The following ITSN2 variants were observed in gnomAD, a reference collection of about 807,000 sequenced individuals.
The protein encoded by ITSN2 is intersectin-2.
A neutral mutation model predicts 243.7 loss-of-function variants in ITSN2; 156 were observed. The observed-to-expected ratio is 0.64, with a 90% confidence interval of 0.56 to 0.73. The LOEUF (loss-of-function observed/expected upper bound fraction) is 0.73. Ranked by LOEUF, ITSN2 falls within the 30% of genes least tolerant of loss-of-function variation. The probability of loss-of-function intolerance (pLI) is 0.00; values close to 1 mark genes in which losing one functional copy is unlikely to be tolerated. For missense variants in ITSN2, 1,801 were observed against 1,996.1 expected, an observed-to-expected ratio of 0.90 and a Z score of 1.86; for synonymous variants, 703 against 699.9, an observed-to-expected ratio of 1.00 and a Z score of -0.07.
chr2:24,317,984 C>T (rs1056925561), intron 2 of ITSN2, among the ~76,000 whole-genome samples: 3 of 152,150 alleles, frequency 2.0e-5, no homozygotes, highest in South Asian at 4.1e-4. Context: ...TTTAGGTTCA[C>T]GGCAAGATTG....
chr2:24,275,800 T>C lies in ITSN2; in HGVS notation c.1994A>G (p.Tyr665Cys), dbSNP rs777868051. Residue 665 changes from tyrosine (Y) to cysteine (C), a missense_variant, in exon 18 of 40, where the codon TAT becomes TGT. Transcript: ENST00000355123. ...CTTCAACTTGTCACGTTTGATCTTATAAAGCTGTTCAAGGGCTAACTGCTG... is the reference window on the plus strand; with the variant it reads ...CTTCAACTTGTCACGTTTGATCTTACAAAGCTGTTCAAGGGCTAACTGCTG... ...NTQQLALEQL[Y>C]KIKRDKLKEI... 7 of 1,612,846 alleles carry C rather than the reference T, an allele frequency of 4.3e-6. No individual in the cohort carries two copies. The highest frequency in any genetic ancestry group is 3.3e-5 in the Admixed American group (2 of 59,988).
chr2:24,351,696 G>C (rs1370006221), intron 1 of ITSN2, among the ~76,000 whole-genome samples: 1 of 152,132 alleles, frequency 6.6e-6, no homozygotes, highest in Non-Finnish European at 1.5e-5. Flanking sequence ...TCCCAACCAG[G>C]ATGAAAACCA....
intron 16 of ITSN2, 112 bp from the exon 17 acceptor site, chr2:24,284,955 G>A (rs1468916434): frequency 3.5e-6 from 2 of 565,728 alleles, no homozygotes; most frequent in Admixed American, 3.0e-5. Flanking sequence ...GGACTGCAGT[G>A]GCGCAATCTC....
chr2:24,256,565 C>T (rs1675082355), intron 23 of ITSN2, among the ~76,000 whole-genome samples: 1 of 152,116 alleles, frequency 6.6e-6, no homozygotes, highest in African/African-American at 2.4e-5. Flanking sequence ...TTATTATATT[C>T]GACAACTTGA....
chr2:24,332,884 T>G (rs1685941150), intron 1 of ITSN2, among the ~76,000 whole-genome samples: 1 of 152,226 alleles, frequency 6.6e-6, no homozygotes, highest in African/African-American at 2.4e-5. Flanking sequence ...TTGATCACAG[T>G]AGATGTACTG....
intron 1 of ITSN2, among the ~76,000 whole-genome samples, chr2:24,350,838 C>T (rs1424652417): frequency 6.6e-6 from 1 of 152,124 alleles, no homozygotes; most frequent in Non-Finnish European, 1.5e-5. Context: ...CTACCTAGAG[C>T]TAGCGGTGTT....
intron 7 of ITSN2, among the ~76,000 whole-genome samples, chr2:24,309,204 C>T (rs1682936691): frequency 6.6e-6 from 1 of 152,144 alleles, no homozygotes; most frequent in Admixed American, 6.5e-5. Flanking sequence ...TTCTCTTTTT[C>T]TGGGGAGGAG....
rs555205716 is a variant in ITSN2 at position 24,258,108 on chromosome 2, C to T, written c.2683-15G>A. On this transcript the variant is annotated splice_polypyrimidine_tract_variant and intron_variant, in intron 22 of 39. Coordinates refer to ENST00000355123, the MANE Select transcript of ITSN2 (RefSeq NM_006277.3). ...ACCACTTGTCCCTATGAATACAAAA[C>T]CACCAAAAATTTTTAAAAGGCAATG... 3 of 1,601,596 alleles carry T rather than the reference C, an allele frequency of 1.9e-6. No individual in the cohort carries two copies. The African/African-American group carries it at 4.0e-5, about 21-fold the overall frequency.
intron 8 of ITSN2, among the ~76,000 whole-genome samples, chr2:24,305,805 T>C (rs1422471441): frequency 1.3e-5 from 2 of 152,090 alleles, no homozygotes; most frequent in Non-Finnish European, 2.9e-5. Context: ...AAAAACACCA[T>C]AATACACAAC....
At chr2:24,282,587 G>A (rs1281026467) in intron 17 of ITSN2, among the ~76,000 whole-genome samples, 1 of 152,128 alleles carries the variant, frequency 6.6e-6, no homozygotes, top group Non-Finnish European at 1.5e-5. Flanking sequence ...AACTAAAAGA[G>A]CACTCTGTAA....
chr2:24,315,805 T>C (rs1683843035), intron 2 of ITSN2, among the ~76,000 whole-genome samples: 1 of 152,214 alleles, frequency 6.6e-6, no homozygotes, highest in Non-Finnish European at 1.5e-5. Context: ...AAGATGTGCT[T>C]TGCATCCCCT....
rs529079031 is a variant in ITSN2, at chr2:24,347,057, G to T, written c.-34+13247C>A. On this transcript the variant is annotated intron_variant, in intron 1 of 39. Coordinates refer to ENST00000355123, the MANE Select transcript of ITSN2 (RefSeq NM_006277.3). ...TTTTTTTTGTACTAGTAGAGACAGG[G>T]TTTCACCATATTGGCCAGGCTGGTC... is the stretch of plus-strand genomic sequence containing the variant. 9.4e-4 allele frequency among the ~76,000 whole-genome samples: 142 copies of T among 151,856 alleles called. 1 individual carries two copies. The highest frequency in any genetic ancestry group is 3.4e-3 in the Middle Eastern group (1 of 294).
chr2:24,222,049 G>A (rs368382037), intron 29 of ITSN2, among the ~76,000 whole-genome samples: 7 of 152,068 alleles, frequency 4.6e-5, no homozygotes, highest in African/African-American at 7.2e-5. Flanking sequence ...TCAGGAGATC[G>A]AGACCATCCT....
rs550549298 is a variant in ITSN2 at position 24,262,295 on chromosome 2, T to C, written c.2356-553A>G. 7.6e-4 allele frequency among the ~76,000 whole-genome samples: 116 copies of C among 152,342 alleles called. 1 individual carries two copies. Among genetic ancestry groups the C allele is most frequent in the African/African-American group, 2.7e-3 (113 of 41,586 alleles). On this transcript the variant is annotated intron_variant, in intron 20 of 39. Transcript: ENST00000355123. ...GTTTAAATATTTCACATCTGAGTCA[T>C]GCAGCATGCTGCTGATTAAATTTCC... is the stretch of plus-strand genomic sequence containing the variant.
chr2:24,204,304 TC>T lies in ITSN2; in HGVS notation c.4876del (p.Asp1626IlefsTer43), dbSNP rs1668616795. ...GAGACACAGCACGTCTTGGTAGAGA[TC>T]CTTAATAAAGAACTGGCAGTTAAAA... ...WNFNCQFFIK[D>X]LYQDVLCLTL... On this transcript the variant is annotated frameshift_variant, in exon 39 of 40. Transcript: ENST00000355123. LOFTEE classifies it high-confidence loss of function. This position sits in a 1 kb window ranked among gnomAD's most constrained non-coding sequence, Gnocchi z 5.1. 1.9e-6 allele frequency: 3 copies of T among 1,614,050 alleles called. No homozygotes were observed. The highest frequency in any genetic ancestry group is 2.5e-6 in the Non-Finnish European group (3 of 1,179,994).
At chr2:24,284,600 T>C (rs1679227953) in intron 17 of ITSN2, among the ~76,000 whole-genome samples, 163 bp downstream of exon 17, 1 of 151,960 alleles carries the variant, frequency 6.6e-6, no homozygotes, top group African/African-American at 2.4e-5. Flanking sequence ...AAACAGGCAG[T>C]CAGATAGCAG....
At chr2:24,328,723 A>G (rs528242414) in intron 1 of ITSN2, among the ~76,000 whole-genome samples, 3 of 152,336 alleles carry the variant, frequency 2.0e-5, no homozygotes, top group African/African-American at 7.2e-5. Flanking sequence ...TCAGCCTCCC[A>G]AAGTGCTGAG....
At chr2:24,268,125 G>A (rs6732125) in intron 20 of ITSN2, among the ~76,000 whole-genome samples, 1 of 152,156 alleles carries the variant, frequency 6.6e-6, no homozygotes. Context: ...ATTAATTAAT[G>A]TTAGCAAAAT....
chr2:24,278,645 CTTTT>C (rs908928502), intron 17 of ITSN2, among the ~76,000 whole-genome samples: 1 of 103,008 alleles, frequency 9.7e-6, no homozygotes, highest in Admixed American at 1.1e-4. Context: ...TGTTCTCAAT[CTTTT>C]TTTTTTTTTT....
Sources: allele counts gnomAD v4.1 joint callset (sites outside exome capture counted in the v4.1 genomes callset), GRCh38; gene constraint gnomAD v4.1.1; non-coding constraint Gnocchi (gnomAD v3.1); transcripts MANE v1.5; gene names NCBI Gene and HGNC (gene_info 2026-07-23, HGNC 2026-07-21).